Variants in ZNF438 observed in about 807,000 individuals in gnomAD.
The protein encoded by ZNF438 is zinc finger protein 438.
In ZNF438, 25 loss-of-function variants were observed where a neutral mutation model predicts 38.0. The ratio of observed to expected loss-of-function variants is 0.66; its 90% CI spans 0.48 to 0.92. The LOEUF is 0.92. Among genes scored for constraint, ZNF438 ranks in the 40% least tolerant of loss-of-function variants. ZNF438 has a pLI of 0.00. For missense variants in ZNF438, 1,007 were observed against 999.6 expected (o/e 1.01, Z -0.10); for synonymous variants, 372 against 364.1 (o/e 1.02, Z -0.25).
chr10:30,946,827 T>C (rs2047467838), intron 1 of ZNF438, among the ~76,000 whole-genome samples: 1 of 152,218 alleles, frequency 6.6e-6, no homozygotes, highest in South Asian at 2.1e-4. Context: ...TGAAATTGAA[T>C]ACTTTTTAGT....
intron 2 of ZNF438, among the ~76,000 whole-genome samples, chr10:30,930,935 C>A (rs1443439202): frequency 6.7e-6 from 1 of 150,134 alleles, no homozygotes; most frequent in Non-Finnish European, 1.5e-5. Flanking sequence ...GCTAAGCACA[C>A]ATTCCCATTT....
rs561585161 is a variant in ZNF438, at chr10:30,950,928, G to A, written c.-191-9277C>T. On this transcript the variant is annotated intron_variant, in intron 1 of 5. Transcript: ENST00000413025. ...TCAGCATCATTCTGATACCAAAGCCGGGCAGAGACACAACAAAAAAAGAGA... is the reference window on the plus strand; with the variant it reads ...TCAGCATCATTCTGATACCAAAGCCAGGCAGAGACACAACAAAAAAAGAGA... Among the ~76,000 whole-genome samples, 40 of 132,160 alleles carry A rather than the reference G, an allele frequency of 3.0e-4. 2 individuals carry two copies. The South Asian group carries it at 8.9e-3, about 29-fold the overall frequency. The allele number at this position is 132,160 out of a possible 152,430, so 86.7% of individuals were successfully genotyped here.
intron 1 of ZNF438, among the ~76,000 whole-genome samples, chr10:30,997,575 A>ATTTT: frequency 7.0e-6 from 1 of 143,450 alleles, no homozygotes; most frequent in East Asian, 2.0e-4. Context: ...ACAAAATCCT[A>ATTTT]TTTTTTTTTT....
At chr10:30,871,965 A>G (rs11813237) in intron 4 of ZNF438, among the ~76,000 whole-genome samples, 9,984 of 152,196 alleles carry the variant, frequency 0.066, 1,025 homozygotes, top group African/African-American at 0.23. Flanking sequence ...CAATTTGAAA[A>G]CTACCTTTAA....
At chr10:31,018,367 C>T (rs1250159586) in intron 1 of ZNF438, among the ~76,000 whole-genome samples, 1 of 152,168 alleles carries the variant, frequency 6.6e-6, no homozygotes, top group African/African-American at 2.4e-5. Context: ...TAGTTACTGG[C>T]AAGGACGAAT....
intron 1 of ZNF438, among the ~76,000 whole-genome samples, chr10:30,968,269 G>A (rs2050357069): frequency 6.6e-6 from 1 of 151,922 alleles, no homozygotes; most frequent in Non-Finnish European, 1.5e-5. Flanking sequence ...CTCCACCCTG[G>A]CTTATGTTTA....
At chr10:31,022,042 G>T (rs1279901254) in intron 1 of ZNF438, among the ~76,000 whole-genome samples, 1 of 151,446 alleles carries the variant, frequency 6.6e-6, no homozygotes, top group Non-Finnish European at 1.5e-5. Context: ...TTGTCATTTT[G>T]AAGTGCCATC....
intron 5 of ZNF438, among the ~76,000 whole-genome samples, chr10:30,847,700 C>T (rs1039158256): frequency 6.6e-6 from 1 of 152,208 alleles, no homozygotes; most frequent in Non-Finnish European, 1.5e-5. Context: ...AGCTTCTGGG[C>T]AACATCATGT....
At chr10:30,923,463 TA>T (rs1350393560) in intron 2 of ZNF438, 2 of 152,214 alleles carry the variant, frequency 1.3e-5, no homozygotes, top group African/African-American at 4.8e-5. Context: ...ATTACTAACA[TA>T]ACATTTTAAC....
At chr10:30,978,026 G>A (rs1363696572) in intron 1 of ZNF438, among the ~76,000 whole-genome samples, 5 of 151,652 alleles carry the variant, frequency 3.3e-5, no homozygotes, top group Non-Finnish European at 7.4e-5. Context: ...ATGTTGGTAT[G>A]TCTTCTAACC....
intron 1 of ZNF438, among the ~76,000 whole-genome samples, chr10:30,985,800 A>G (rs1271665349): frequency 6.6e-6 from 1 of 152,200 alleles, no homozygotes; most frequent in Admixed American, 6.5e-5. Flanking sequence ...AGAGCTCCTG[A>G]GAGCCTCTGA....
intron 2 of ZNF438, among the ~76,000 whole-genome samples, chr10:30,925,243 T>C (rs1194061690): frequency 6.6e-6 from 1 of 151,880 alleles, no homozygotes; most frequent in East Asian, 1.9e-4. Flanking sequence ...GACACAATAT[T>C]GAACAGAAAT....
chr10:30,850,669 C>A (rs1232492018), intron 4 of ZNF438, among the ~76,000 whole-genome samples: 1 of 152,198 alleles, frequency 6.6e-6, no homozygotes, highest in Non-Finnish European at 1.5e-5. Context: ...AGCGAAAATT[C>A]CGTCCTTCTC....
At chr10:31,021,487 G>C (rs890358994) in intron 1 of ZNF438, among the ~76,000 whole-genome samples, 2 of 152,106 alleles carry the variant, frequency 1.3e-5, no homozygotes, top group Non-Finnish European at 2.9e-5. Flanking sequence ...TGCAGGTTTT[G>C]TATTGTTGGA....
chr10:30,914,959 T>C (rs1209093780), intron 2 of ZNF438, among the ~76,000 whole-genome samples: 1 of 151,998 alleles, frequency 6.6e-6, no homozygotes, highest in African/African-American at 2.4e-5. Context: ...AAAAATCACA[T>C]AGAATTAAAT....
chr10:30,934,159 G>GAAA (rs34603319), intron 2 of ZNF438, among the ~76,000 whole-genome samples: 11 of 144,446 alleles, frequency 7.6e-5, no homozygotes, highest in South Asian at 2.2e-4. Flanking sequence ...AAAAGAAAAA[G>GAAA]AAAAAAAAAA....
chr10:30,874,126 A>ATC (rs2038008472), intron 4 of ZNF438, among the ~76,000 whole-genome samples: 1 of 11,402 alleles, frequency 8.8e-5, no homozygotes, highest in Non-Finnish European at 1.4e-4. Flanking sequence ...ATATATATAT[A>ATC]TATATATATA....
intron 2 of ZNF438, chr10:30,920,334 A>C (rs2134906688): frequency 6.6e-6 from 1 of 152,346 alleles, no homozygotes; most frequent in Non-Finnish European, 1.5e-5. Flanking sequence ...ATTCAGGTAG[A>C]GGTAACTTGT....
intron 2 of ZNF438, chr10:30,919,073 C>A (rs949009213): frequency 6.6e-6 from 1 of 152,172 alleles, no homozygotes; most frequent in Non-Finnish European, 1.5e-5. Flanking sequence ...TCTGAGGATT[C>A]CTACTTGGCC....
Sources: allele counts gnomAD v4.1 joint callset (sites outside exome capture counted in the v4.1 genomes callset), GRCh38; gene constraint gnomAD v4.1.1; transcripts MANE v1.5; gene names NCBI Gene and HGNC (gene_info 2026-07-23, HGNC 2026-07-21).